The following CACNG2 variants were observed in gnomAD, a reference collection of about 807,000 sequenced individuals.
The protein encoded by CACNG2 is voltage-dependent calcium channel gamma-2 subunit.
In CACNG2, 3 loss-of-function variants were observed where a neutral mutation model predicts 25.9. That is an observed-to-expected ratio of 0.12 (90% CI 0.05 to 0.30). CACNG2 has a LOEUF of 0.30. Ranked by LOEUF, CACNG2 falls within the 10% of genes least tolerant of loss-of-function variation. The pLI is 1.00. For synonymous variants in CACNG2, 167 were observed against 173.3 expected (o/e 0.96, Z 0.29); for missense variants, 341 against 432.5 (o/e 0.79, Z 1.88).
intron 1 of CACNG2, among the ~76,000 whole-genome samples, chr22:36,639,102 C>T (rs915582212): frequency 3.9e-5 from 6 of 152,174 alleles, no homozygotes; most frequent in Non-Finnish European, 7.3e-5. Flanking sequence ...CAGGTTGGAT[C>T]GTGGATCCTC....
chr22:36,616,357 A>C (rs1218630667), intron 1 of CACNG2, among the ~76,000 whole-genome samples: 4 of 152,170 alleles, frequency 2.6e-5, no homozygotes, highest in Non-Finnish European at 5.9e-5. Flanking sequence ...TGCATTTTTC[A>C]TGCAGCTGCA....
chr22:36,645,139 G>T (rs1356132765), intron 1 of CACNG2, among the ~76,000 whole-genome samples: 2 of 152,182 alleles, frequency 1.3e-5, no homozygotes, highest in Non-Finnish European at 2.9e-5. Flanking sequence ...CCCCAGAGGT[G>T]ACAGCGAGTC....
At chr22:36,653,554 G>A (rs1020789584) in intron 1 of CACNG2, among the ~76,000 whole-genome samples, 2 of 127,392 alleles carry the variant, frequency 1.6e-5, no homozygotes, top group African/African-American at 1.1e-4. Context: ...CTGCCTGGCT[G>A]CTCTGGACAC....
chr22:36,691,768 G>T (rs898065391), intron 1 of CACNG2, among the ~76,000 whole-genome samples: 3 of 152,164 alleles, frequency 2.0e-5, no homozygotes, highest in Non-Finnish European at 4.4e-5. Context: ...CCTCTGGAGA[G>T]CATCTAAAAC....
intron 1 of CACNG2, among the ~76,000 whole-genome samples, chr22:36,627,707 C>T (rs981360020): frequency 6.6e-6 from 1 of 151,184 alleles, no homozygotes; most frequent in Non-Finnish European, 1.5e-5. Flanking sequence ...ACTGCAGCCT[C>T]GAACTCCTGG....
intron 2 of CACNG2, among the ~76,000 whole-genome samples, chr22:36,576,284 C>G (rs1482571197): frequency 2.0e-5 from 3 of 152,092 alleles, no homozygotes; most frequent in Admixed American, 6.6e-5. Flanking sequence ...GAATGGAAAA[C>G]CAAACATTAT....
intron 1 of CACNG2, among the ~76,000 whole-genome samples, chr22:36,656,794 T>G (rs1451935229): frequency 6.6e-6 from 1 of 152,230 alleles, no homozygotes; most frequent in African/African-American, 2.4e-5. Context: ...TCACTTCCTT[T>G]GGGTTTTTAC....
chr22:36,577,370 G>A (rs564412289), intron 2 of CACNG2, among the ~76,000 whole-genome samples: 2 of 152,228 alleles, frequency 1.3e-5, no homozygotes, highest in East Asian at 1.9e-4. Flanking sequence ...AATGAACCGG[G>A]GCCGGGCGCG....
At chr22:36,577,170 T>C (rs1286398735) in intron 2 of CACNG2, among the ~76,000 whole-genome samples, 1 of 152,176 alleles carries the variant, frequency 6.6e-6, no homozygotes, top group African/African-American at 2.4e-5. Flanking sequence ...GTACACACAC[T>C]TGAAGCAATG....
At chr22:36,591,733 TG>T (rs757224963) in intron 1 of CACNG2, among the ~76,000 whole-genome samples, 1 of 151,416 alleles carries the variant, frequency 6.6e-6, no homozygotes, top group Non-Finnish European at 1.5e-5. Context: ...CCTGCAGAGA[TG>T]GGGGAGCAAT....
chr22:36,698,358 G>A (rs1937367532), intron 1 of CACNG2, among the ~76,000 whole-genome samples: 1 of 152,208 alleles, frequency 6.6e-6, no homozygotes, highest in Admixed American at 6.5e-5. Flanking sequence ...GAATTATGGA[G>A]CAATACTTGC....
intron 2 of CACNG2, 62 bp from the exon 3 acceptor site, chr22:36,566,555 G>C: frequency 2.5e-6 from 4 of 1,590,254 alleles, no homozygotes; most frequent in Non-Finnish European, 3.4e-6. Flanking sequence ...GAGGCACACA[G>C]AGGCAGGTGG....
At chr22:36,577,085 G>A (rs1000851204) in intron 2 of CACNG2, among the ~76,000 whole-genome samples, 4 of 152,076 alleles carry the variant, frequency 2.6e-5, no homozygotes, top group African/African-American at 7.2e-5. Context: ...GTCCCCCGGG[G>A]GCCTCTGCTG....
At chr22:36,687,204 G>T (rs1174647316) in intron 1 of CACNG2, among the ~76,000 whole-genome samples, 1 of 152,234 alleles carries the variant, frequency 6.6e-6, no homozygotes, top group East Asian at 1.9e-4. Context: ...GGTCTGCATT[G>T]TTAACCGGTT....
chr22:36,691,812 ACTAC>A (rs1366184861), intron 1 of CACNG2, among the ~76,000 whole-genome samples: 1 of 152,238 alleles, frequency 6.6e-6, no homozygotes, highest in Non-Finnish European at 1.5e-5. Flanking sequence ...TCAACGAATG[ACTAC>A]CTATTATTAT....
intron 1 of CACNG2, among the ~76,000 whole-genome samples, chr22:36,644,217 C>A (rs1296074924): frequency 6.6e-6 from 1 of 152,184 alleles, no homozygotes; most frequent in Admixed American, 6.5e-5. Flanking sequence ...GCTGTGAGGT[C>A]CCAGGCTCCA....
intron 1 of CACNG2, among the ~76,000 whole-genome samples, chr22:36,655,938 G>T (rs1936699526): frequency 6.6e-6 from 1 of 151,856 alleles, no homozygotes; most frequent in African/African-American, 2.4e-5. Flanking sequence ...CTCCTGAGTA[G>T]CTGGGATTAC....
intron 1 of CACNG2, among the ~76,000 whole-genome samples, chr22:36,657,485 A>G (rs980693467): frequency 7.2e-5 from 11 of 152,112 alleles, no homozygotes; most frequent in Non-Finnish European, 8.8e-5. Context: ...GGAGAAGAAG[A>G]GGTGTGCACG....
At chr22:36,634,505 G>A (rs757242752) in intron 1 of CACNG2, among the ~76,000 whole-genome samples, 4 of 152,190 alleles carry the variant, frequency 2.6e-5, no homozygotes, top group Non-Finnish European at 4.4e-5. Context: ...TATGAATCGA[G>A]CCACTGTGAT....
Sources: gnomAD v4.1 joint callset for allele counts (sites outside exome capture counted in the v4.1 genomes callset) on GRCh38, gnomAD v4.1.1 for gene constraint, MANE v1.5 for transcripts, NCBI Gene and HGNC (gene_info 2026-07-23, HGNC 2026-07-21) for gene names.